Variants in GRM1 observed in about 807,000 individuals in gnomAD.
GRM1 encodes the protein metabotropic glutamate receptor 1.
GRM1 carries 33 observed loss-of-function variants against 90.9 expected under a neutral mutation model. That is an observed-to-expected ratio of 0.36 (90% CI 0.28 to 0.49). GRM1 has a LOEUF of 0.49. Ranked by LOEUF, GRM1 falls within the 20% of genes least tolerant of loss-of-function variation. The pLI is 0.99. For missense variants in GRM1, 1,190 were observed against 1,534.3 expected (o/e 0.78, Z 3.75); for synonymous variants, 700 against 613.2 (o/e 1.14, Z -2.09).
chr6:146,102,108 T>C (rs1158119270), intron 1 of GRM1, among the ~76,000 whole-genome samples: 1 of 152,146 alleles, frequency 6.6e-6, no homozygotes, highest in African/African-American at 2.4e-5. Context: ...CGCTCGCCTC[T>C]TGTTCTCCTC....
At chr6:146,370,625 A>C (rs1036225642) in intron 5 of GRM1, among the ~76,000 whole-genome samples, 1 of 152,036 alleles carries the variant, frequency 6.6e-6, no homozygotes, top group African/African-American at 2.4e-5. Flanking sequence ...GCGGGTCACT[A>C]AACAGAAGTT....
chr6:146,104,385 A>G (rs973876192), intron 1 of GRM1, among the ~76,000 whole-genome samples: 2 of 152,086 alleles, frequency 1.3e-5, no homozygotes, highest in African/African-American at 4.8e-5. Context: ...GCTTGCAGTG[A>G]GCCGAGATCG....
chr6:146,382,980 A>G (rs763879169), intron 5 of GRM1, among the ~76,000 whole-genome samples: 2 of 152,124 alleles, frequency 1.3e-5, no homozygotes, highest in Non-Finnish European at 2.9e-5. Context: ...GATATATACA[A>G]TGGATGATAC....
At chr6:146,034,658 CCTGAATAAG>C (rs1790820520) in intron 1 of GRM1, among the ~76,000 whole-genome samples, 1 of 151,842 alleles carries the variant, frequency 6.6e-6, no homozygotes, top group Non-Finnish European at 1.5e-5. Context: ...TACGTTAAAA[CCTGAATAAG>C]ATAAGGGTCG....
chr6:146,168,606 G>A (rs1777994198), intron 2 of GRM1, among the ~76,000 whole-genome samples: 1 of 151,748 alleles, frequency 6.6e-6, no homozygotes, highest in Admixed American at 6.6e-5. Context: ...TCTGCCTAAA[G>A]AATTTCGTTT....
At chr6:146,132,169 G>A (rs1240145069) in intron 1 of GRM1, among the ~76,000 whole-genome samples, 1 of 152,144 alleles carries the variant, frequency 6.6e-6, no homozygotes, top group East Asian at 1.9e-4. Flanking sequence ...TATCCTAAGT[G>A]TCAGGGGAAA....
At chr6:146,140,120 T>C (rs970015942) in intron 1 of GRM1, among the ~76,000 whole-genome samples, 2 of 135,904 alleles carry the variant, frequency 1.5e-5, no homozygotes, top group Non-Finnish European at 3.1e-5. Flanking sequence ...TTTCTTTCTT[T>C]CTTTCTTTCT....
intron 1 of GRM1, among the ~76,000 whole-genome samples, chr6:146,066,434 A>G (rs1352297299): frequency 6.6e-6 from 1 of 152,052 alleles, no homozygotes; most frequent in Non-Finnish European, 1.5e-5. Context: ...CATGCACTAC[A>G]TTTTCTTTAT....
chr6:146,110,946 A>G (rs1415694108), intron 1 of GRM1, among the ~76,000 whole-genome samples: 2 of 152,212 alleles, frequency 1.3e-5, no homozygotes, highest in South Asian at 2.1e-4. Context: ...AGAAGAAAGA[A>G]GGTGAAAGTT....
intron 1 of GRM1, among the ~76,000 whole-genome samples, chr6:146,086,944 A>G (rs1776566268): frequency 1.3e-5 from 2 of 152,148 alleles, no homozygotes; most frequent in South Asian, 4.1e-4. Context: ...ATGGCAATAT[A>G]TAAATGTCCC....
At chr6:146,099,837 A>G (rs923015307) in intron 1 of GRM1, among the ~76,000 whole-genome samples, 1 of 152,132 alleles carries the variant, frequency 6.6e-6, no homozygotes. Flanking sequence ...TTTTGGGGCT[A>G]TTTTGAACAA....
intron 7 of GRM1, among the ~76,000 whole-genome samples, chr6:146,403,775 T>A (rs1025209471): frequency 2.6e-5 from 4 of 152,124 alleles, no homozygotes; most frequent in African/African-American, 9.6e-5. Context: ...CTTTTTTATT[T>A]TTGATACAGT....
intron 3 of GRM1, among the ~76,000 whole-genome samples, chr6:146,335,141 A>G (rs1235470895): frequency 6.6e-6 from 1 of 152,218 alleles, no homozygotes; most frequent in African/African-American, 2.4e-5. Flanking sequence ...CTGACATCTT[A>G]CAAATGAAAT....
chr6:146,384,735 A>G (rs1776438464), intron 5 of GRM1, among the ~76,000 whole-genome samples: 1 of 152,064 alleles, frequency 6.6e-6, no homozygotes, highest in Non-Finnish European at 1.5e-5. Context: ...TTAAAACACA[A>G]GGATAAATAC....
intron 2 of GRM1, among the ~76,000 whole-genome samples, chr6:146,289,057 T>C (rs149226534): frequency 6.6e-6 from 1 of 152,340 alleles, no homozygotes; most frequent in East Asian, 1.9e-4. Context: ...GTTTCTTGTT[T>C]ATATATTTAC....
At chr6:146,171,601 G>A in intron 2 of GRM1, 2 of 252,808 alleles carry the variant, frequency 7.9e-6, no homozygotes, top group Non-Finnish European at 8.7e-6. Context: ...AAAATTGGCT[G>A]CAACAGCTGT....
intron 5 of GRM1, among the ~76,000 whole-genome samples, chr6:146,380,597 G>A (rs1045569097): frequency 1.3e-5 from 2 of 152,086 alleles, no homozygotes; most frequent in African/African-American, 4.8e-5. Flanking sequence ...GTCAAGCTAT[G>A]GAATCAAGGA....
intron 1 of GRM1, among the ~76,000 whole-genome samples, chr6:146,034,479 T>A (rs1319836967): frequency 1.3e-5 from 2 of 151,978 alleles, no homozygotes; most frequent in Non-Finnish European, 2.9e-5. Flanking sequence ...TGAACAGTTA[T>A]TAATTTTGTT....
chr6:146,246,721 G>A lies in GRM1; in HGVS notation c.951-57890G>A, dbSNP rs530967191. Among the ~76,000 whole-genome samples, 5 of 152,216 alleles carry A rather than the reference G, an allele frequency of 3.3e-5. 1 individual carries two copies. In the South Asian group the frequency reaches 1.0e-3, roughly 32 times the overall value. ...TTTTTTAAATCCAATACATGAAATA[G>A]GTATCTGGATAATAGCAGGTTCTTG... On this transcript the variant is annotated intron_variant, in intron 2 of 7. Coordinates refer to ENST00000282753, the MANE Select transcript of GRM1 (RefSeq NM_001278064.2).
Sources: gnomAD v4.1 joint callset for allele counts (sites outside exome capture counted in the v4.1 genomes callset) on GRCh38, gnomAD v4.1.1 for gene constraint, MANE v1.5 for transcripts, NCBI Gene and HGNC (gene_info 2026-07-23, HGNC 2026-07-21) for gene names.